KANSL1: variants seen among roughly 807,000 people sequenced by gnomAD.
KANSL1 encodes KAT8 regulatory NSL complex subunit 1.
A neutral mutation model predicts 103.6 loss-of-function variants in KANSL1; 22 were observed. That is an observed-to-expected ratio of 0.21 (90% CI 0.15 to 0.30). The LOEUF is 0.30. Among genes scored for constraint, KANSL1 ranks in the 10% least tolerant of loss-of-function variants. The pLI is 1.00. For synonymous variants in KANSL1, 600 were observed against 527.6 expected, an observed-to-expected ratio of 1.14 and a Z score of -1.88; for missense variants, 1,337 against 1,399.8, an observed-to-expected ratio of 0.96 and a Z score of 0.72.
chr17:46,059,647 A>AAAGAGAGAGAGAGAG (rs541946204), intron 6 of KANSL1, among the ~76,000 whole-genome samples: 5 of 54,830 alleles, frequency 9.1e-5, no homozygotes, highest in African/African-American at 2.7e-4. Flanking sequence ...AAAAAAAAAA[A>AAAGAGAGAGAGAGAG]AGAGAGAGAG....
At chr17:46,180,001 T>A (rs1025850323) in intron 1 of KANSL1, among the ~76,000 whole-genome samples, 5 of 151,490 alleles carry the variant, frequency 3.3e-5, no homozygotes, top group Admixed American at 2.0e-4. Flanking sequence ...GAGGCAGAGG[T>A]TGCAGTGAGC....
intron 2 of KANSL1, among the ~76,000 whole-genome samples, chr17:46,168,387 GC>G: frequency 6.7e-6 from 1 of 149,656 alleles, no homozygotes; most frequent in Non-Finnish European, 1.5e-5. Context: ...TTCGCTCGTT[GC>G]CTAGGCTGGA....
rs537160530 is a variant in KANSL1, at chr17:46,099,217, G to A, written c.1290-4516C>T. Among the ~76,000 whole-genome samples, 21 of 144,274 alleles carry A rather than the reference G, an allele frequency of 1.5e-4. 3 individuals carry two copies. Among genetic ancestry groups the A allele is most frequent in the African/African-American group, 4.4e-4 (18 of 40,736 alleles). The allele number at this position is 144,274 out of a possible 152,430, so 94.6% of individuals were successfully genotyped here. A position where few individuals can be genotyped will look rare whatever the true frequency, so the allele number is the denominator to read the frequency against. On this transcript the variant is annotated intron_variant, in intron 2 of 14. Coordinates refer to ENST00000432791, the MANE Select transcript of KANSL1 (RefSeq NM_015443.4). ...CGGGCGCCTGTAGTCCCAGCTACTC[G>A]GGAGGCTGAGGCAGGAGAATGGCGT...
At chr17:46,195,862 T>A (rs1288251275), upstream of KANSL1, among the ~76,000 whole-genome samples, 1 of 152,208 alleles carries the variant, frequency 6.6e-6, no homozygotes, top group Non-Finnish European at 1.5e-5. Context: ...CAAATTTTCT[T>A]AAATTTCCCC....
intron 1 of KANSL1, among the ~76,000 whole-genome samples, chr17:46,208,279 C>A (rs918183133): frequency 6.6e-6 from 1 of 152,094 alleles, no homozygotes; most frequent in African/African-American, 2.4e-5. Flanking sequence ...TGACATACAC[C>A]TGTTCTGGGC....
At chr17:46,093,386 CTA>C (rs2079490723) in intron 3 of KANSL1, 1 of 152,190 alleles carries the variant, frequency 6.6e-6, no homozygotes, top group African/African-American at 2.4e-5. Context: ...AATTTGTATG[CTA>C]CCCTAAGGGA....
At chr17:46,212,070 T>G (rs1300105923) in intron 1 of KANSL1, among the ~76,000 whole-genome samples, 1 of 152,214 alleles carries the variant, frequency 6.6e-6, no homozygotes, top group Non-Finnish European at 1.5e-5. Context: ...TTCCATTCTT[T>G]TACCTCAGTA....
intron 10 of KANSL1, chr17:46,037,546 A>G (rs1337624998): frequency 6.6e-6 from 1 of 152,238 alleles, no homozygotes; most frequent in Non-Finnish European, 1.5e-5. Flanking sequence ...TGTAATGGTA[A>G]AAGAGCTGGC....
At chr17:46,096,311 C>CTTTTTTTTTTTCTTTTT (rs2042070594) in intron 2 of KANSL1, among the ~76,000 whole-genome samples, 1 of 76,408 alleles carries the variant, frequency 1.3e-5, no homozygotes, top group Non-Finnish European at 2.5e-5. Flanking sequence ...GCTTTTTTTT[C>CTTTTTTTTTTTCTTTTT]TTTTTTTTTT....
At chr17:46,203,876 G>GT (rs1341183449) in intron 1 of KANSL1, among the ~76,000 whole-genome samples, 1 of 152,236 alleles carries the variant, frequency 6.6e-6, no homozygotes, top group South Asian at 2.1e-4. Context: ...AATAATAGAT[G>GT]TTTTTTAAAT....
chr17:46,188,484 G>A (rs553355714), intron 1 of KANSL1, among the ~76,000 whole-genome samples: 2 of 152,298 alleles, frequency 1.3e-5, no homozygotes, highest in East Asian at 1.9e-4. Flanking sequence ...AGACTTCCAA[G>A]AAACAGTTAT....
At chr17:46,134,845 CA>C (rs112421165) in intron 2 of KANSL1, among the ~76,000 whole-genome samples, 7 of 145,940 alleles carry the variant, frequency 4.8e-5, no homozygotes, top group Non-Finnish European at 7.5e-5. Flanking sequence ...ACTCGGTCTC[CA>C]AAAAAAAAAG....
chr17:46,198,656 C>CA (rs1204240254), upstream of KANSL1, among the ~76,000 whole-genome samples: 1 of 152,234 alleles, frequency 6.6e-6, no homozygotes, highest in Non-Finnish European at 1.5e-5. Flanking sequence ...CGCTTGAACC[C>CA]ACAAGGTGGA....
intron 2 of KANSL1, among the ~76,000 whole-genome samples, chr17:46,159,203 TGAC>T (rs1354874198): frequency 2.6e-5 from 4 of 152,228 alleles, no homozygotes; most frequent in Non-Finnish European, 5.9e-5. Context: ...CCTATGCCTA[TGAC>T]AACAGCCTTT....
intron 4 of KANSL1, among the ~76,000 whole-genome samples, chr17:46,080,136 T>C (rs2078930402): frequency 6.6e-6 from 1 of 151,842 alleles, no homozygotes; most frequent in South Asian, 2.1e-4. Flanking sequence ...GTTTCAGAAA[T>C]GAGAATAAAA....
intron 2 of KANSL1, among the ~76,000 whole-genome samples, chr17:46,137,098 A>T (rs2044184716): frequency 6.6e-6 from 1 of 151,122 alleles, no homozygotes; most frequent in Non-Finnish European, 1.5e-5. Context: ...GTGCACTAAG[A>T]GCATCAAATC....
chr17:46,049,668 A>G (rs991897748), intron 7 of KANSL1: 11 of 152,088 alleles, frequency 7.2e-5, no homozygotes, highest in Admixed American at 6.6e-4. Flanking sequence ...AATATGGCCA[A>G]AAGGAATGCT....
chr17:46,205,680 C>CAAAAAAAAA (rs56154541), intron 1 of KANSL1, among the ~76,000 whole-genome samples: 63 of 92,790 alleles, frequency 6.8e-4, no homozygotes, highest in Non-Finnish European at 9.8e-4. Context: ...GACACTGTCT[C>CAAAAAAAAA]AAAAAAAAAA....
chr17:46,168,891 A>G (rs1412130516), intron 2 of KANSL1, among the ~76,000 whole-genome samples: 1 of 152,262 alleles, frequency 6.6e-6, no homozygotes, highest in African/African-American at 2.4e-5. Flanking sequence ...TAGTGAATGA[A>G]TGGCCTTAAG....
Sources: allele counts gnomAD v4.1 joint callset (sites outside exome capture counted in the v4.1 genomes callset), GRCh38; gene constraint gnomAD v4.1.1; transcripts MANE v1.5; gene names NCBI Gene and HGNC (gene_info 2026-07-23, HGNC 2026-07-21).